TTC39C: variants seen among roughly 807,000 people sequenced by gnomAD.
The protein encoded by TTC39C is tetratricopeptide repeat protein 39C.
In TTC39C, 33 loss-of-function variants were observed where a neutral mutation model predicts 76.3. The observed-to-expected ratio is 0.43, with a 90% confidence interval of 0.33 to 0.58. TTC39C has a LOEUF of 0.58. Among genes scored for constraint, TTC39C ranks in the 20% least tolerant of loss-of-function variants. TTC39C has a pLI of 0.04. For missense variants in TTC39C, 595 were observed against 701.4 expected (o/e 0.85, Z 1.71); for synonymous variants, 254 against 260.6 (o/e 0.97, Z 0.24).
At chr18:24,023,510 G>T (rs2083540599) in intron 1 of TTC39C, among the ~76,000 whole-genome samples, 1 of 152,198 alleles carries the variant, frequency 6.6e-6, no homozygotes. Context: ...GCTGCTCTGT[G>T]AGCTGTTCTC....
chr18:24,056,917 A>G lies in TTC39C; in HGVS notation c.168-7223A>G, dbSNP rs75703627. ...AGGCTGGTTTGGAACTCCTAGTCTC[A>G]AGCAATCCTCCTGCCTCAGCCTCCG... On this transcript the variant is annotated intron_variant, in intron 1 of 13. Coordinates refer to ENST00000317571, the MANE Select transcript of TTC39C (RefSeq NM_001135993.2). Among the ~76,000 whole-genome samples, 908 of 152,208 alleles carry G rather than the reference A, an allele frequency of 6.0e-3. 7 individuals are homozygous for G. The highest frequency in any genetic ancestry group is 0.021 in the African/African-American group (869 of 41,542).
In TTC39C at chr18:24,132,735, T is replaced by TGTTTAGC. The variant is rs1362187484; in HGVS notation, c.*161_*162insGTTTAGC. On this transcript the variant is annotated 3_prime_UTR_variant, in exon 14 of 14. Coordinates refer to ENST00000317571, the MANE Select transcript of TTC39C (RefSeq NM_001135993.2). The stretch of plus-strand genomic sequence containing the variant: ...GCTGACATATTAAAGATCTCCTCTT[T>TGTTTAGC]TAAACATGTAGCTGAAAAGTAATAA... The TGTTTAGC allele has an allele frequency of 1.7e-5, 9 of 523,852 alleles. No individual in the cohort carries two copies. Among genetic ancestry groups the TGTTTAGC allele is most frequent in the South Asian group, 9.3e-5 (3 of 32,380 alleles). 32.5% of individuals were successfully genotyped at this position (523,852 alleles called of 1,614,324 possible).
At chr18:24,071,184 C>T (rs554156848) in intron 4 of TTC39C, among the ~76,000 whole-genome samples, 7 of 152,256 alleles carry the variant, frequency 4.6e-5, no homozygotes, top group South Asian at 2.1e-4. Flanking sequence ...GCCTCGGCCT[C>T]CCAAAGTGCT....
intron 1 of TTC39C, among the ~76,000 whole-genome samples, chr18:24,027,293 C>T (rs548781731): frequency 2.0e-5 from 3 of 152,006 alleles, no homozygotes; most frequent in African/African-American, 7.2e-5. Context: ...AAAAAGTAAT[C>T]GGATTAAACT....
intron 1 of TTC39C, among the ~76,000 whole-genome samples, chr18:23,999,513 C>A (rs1370846467): frequency 1.3e-5 from 2 of 152,214 alleles, no homozygotes; most frequent in Admixed American, 6.5e-5. Context: ...GGCTATTTAC[C>A]TTTTAAACAG....
chr18:24,010,923 C>A (rs914852098), upstream of TTC39C, among the ~76,000 whole-genome samples: 1 of 152,138 alleles, frequency 6.6e-6, no homozygotes, highest in Non-Finnish European at 1.5e-5. Flanking sequence ...TGACATGTGC[C>A]TGTAGTTCCA....
chr18:24,054,224 G>A (rs1172232233), intron 1 of TTC39C, among the ~76,000 whole-genome samples: 1 of 152,150 alleles, frequency 6.6e-6, no homozygotes, highest in East Asian at 1.9e-4. Flanking sequence ...GGCTCTGAGA[G>A]GCCTCAGCTT....
intron 6 of TTC39C, among the ~76,000 whole-genome samples, chr18:24,093,439 A>G (rs530430145): frequency 9.3e-5 from 14 of 151,324 alleles, no homozygotes; most frequent in Middle Eastern, 3.4e-3. Flanking sequence ...AGATCGTGCC[A>G]CTGCACTCCA....
intron 6 of TTC39C, among the ~76,000 whole-genome samples, chr18:24,101,963 C>G (rs2084681634): frequency 6.6e-6 from 1 of 152,168 alleles, no homozygotes; most frequent in Non-Finnish European, 1.5e-5. Context: ...GTGGAGAGAG[C>G]ACTAGGCTCA....
chr18:24,105,556 C>T (rs1371692435), intron 6 of TTC39C, among the ~76,000 whole-genome samples: 1 of 152,220 alleles, frequency 6.6e-6, no homozygotes, highest in Admixed American at 6.5e-5. Context: ...AGGCACCACA[C>T]TGGCCCACCT....
At chr18:24,007,366 G>A (rs979099001) in intron 1 of TTC39C, among the ~76,000 whole-genome samples, 1 of 136,764 alleles carries the variant, frequency 7.3e-6, no homozygotes. Context: ...ACTCTAAAAT[G>A]TAGATATTTT....
chr18:24,125,848 C>G (rs930173301), intron 10 of TTC39C, among the ~76,000 whole-genome samples: 1 of 152,060 alleles, frequency 6.6e-6, no homozygotes, highest in Non-Finnish European at 1.5e-5. Flanking sequence ...TTTTTCTCCC[C>G]GAGAGTACTT....
Position 24,132,373 on chromosome 18 carries a change from G to C in TTC39C, c.1663-112G>C, listed in dbSNP as rs1003271894. On this transcript the variant is annotated intron_variant, in intron 13 of 13. Coordinates refer to ENST00000317571, the MANE Select transcript of TTC39C (RefSeq NM_001135993.2). The stretch of plus-strand genomic sequence containing the variant: ...TCAAGTGGATGGGAAACCTTTACTG[G>C]GAGTGTAGAGATTTTACTTTGGGAA... 2.7e-4 allele frequency: 205 copies of C among 745,846 alleles called. 2 individuals carry two copies. In the South Asian group the frequency reaches 4.3e-3, roughly 16 times the overall value. The allele number at this position is 745,846 out of a possible 1,614,324, so 46.2% of individuals were successfully genotyped here.
intron 6 of TTC39C, among the ~76,000 whole-genome samples, chr18:24,098,924 G>A (rs1421472498): frequency 2.7e-4 from 41 of 151,776 alleles, no homozygotes; most frequent in Admixed American, 1.8e-3. Context: ...GAGTCACTGC[G>A]CCCAGCCCAG....
chr18:24,130,025 G>A (rs1365297178), intron 11 of TTC39C, among the ~76,000 whole-genome samples: 1 of 152,170 alleles, frequency 6.6e-6, no homozygotes, highest in Non-Finnish European at 1.5e-5. Context: ...ACTCTTAGAT[G>A]CAGATAAAAG....
Position 24,134,257 on chromosome 18 carries a change from G to GTTTTTTTTTTTTTTTTTTTTTTT in TTC39C, c.*1689_*1690insTTTTTTTTTTTTTTTTTTTTTTT, listed in dbSNP as rs1182625147. The GTTTTTTTTTTTTTTTTTTTTTTT allele has an allele frequency of 1.0e-4, 5 of 48,686 alleles. 1 individual carries two copies. The highest frequency in any genetic ancestry group is 1.2e-4 in the African/African-American group (2 of 16,714). The allele number at this position is 48,686 out of a possible 1,614,324, so 3.0% of individuals were successfully genotyped here. Reference sequence around the variant, plus strand: ...TGGTGCCCAAAAATATTGGACATCTGTTTTTTGTTTTTTTTTTTTTTTTTT... The same window carrying GTTTTTTTTTTTTTTTTTTTTTTT: ...TGGTGCCCAAAAATATTGGACATCTGTTTTTTTTTTTTTTTTTTTTTTTTTTTTTGTTTTTTTTTTTTTTTTTT... On this transcript the variant is annotated 3_prime_UTR_variant, in exon 14 of 14. Coordinates refer to ENST00000317571, the MANE Select transcript of TTC39C (RefSeq NM_001135993.2).
At chr18:23,995,838 C>T (rs1463528207) in intron 1 of TTC39C, among the ~76,000 whole-genome samples, 1 of 152,168 alleles carries the variant, frequency 6.6e-6, no homozygotes, top group Non-Finnish European at 1.5e-5. Context: ...CCACTGCACT[C>T]AAGTCTGGGT....
intron 7 of TTC39C, among the ~76,000 whole-genome samples, chr18:24,117,762 G>T (rs546676798): frequency 6.6e-6 from 1 of 152,044 alleles, no homozygotes; most frequent in African/African-American, 2.4e-5. Flanking sequence ...TAATCGAGTG[G>T]TGTTGCTTCC....
intron 8 of TTC39C, among the ~76,000 whole-genome samples, chr18:24,120,466 C>T (rs2084951561): frequency 6.6e-6 from 1 of 152,212 alleles, no homozygotes; most frequent in Non-Finnish European, 1.5e-5. Context: ...CAAACACTGC[C>T]ACCAGGGCTT....
Sources: gnomAD v4.1 joint callset for allele counts (sites outside exome capture counted in the v4.1 genomes callset) on GRCh38, gnomAD v4.1.1 for gene constraint, MANE v1.5 for transcripts, NCBI Gene and HGNC (gene_info 2026-07-23, HGNC 2026-07-21) for gene names.